The following SUGCT variants were observed in gnomAD, a reference collection of about 807,000 sequenced individuals.
SUGCT encodes the protein succinyl-CoA:glutarate CoA-transferase.
A neutral mutation model predicts 55.0 loss-of-function variants in SUGCT; 41 were observed. That is an observed-to-expected ratio of 0.74 (90% CI 0.58 to 0.97). SUGCT has a LOEUF of 0.97. Ranked by LOEUF, SUGCT falls within the 50% of genes least tolerant of loss-of-function variation. SUGCT has a pLI of 0.00. For missense variants in SUGCT, 568 were observed against 547.8 expected, an observed-to-expected ratio of 1.04 and a Z score of -0.37; for synonymous variants, 187 against 200.4, an observed-to-expected ratio of 0.93 and a Z score of 0.56.
At chr7:40,750,959 G>A (rs1054772386) in intron 13 of SUGCT, among the ~76,000 whole-genome samples, 2 of 152,080 alleles carry the variant, frequency 1.3e-5, no homozygotes, top group African/African-American at 4.8e-5. Flanking sequence ...TTCACCCCTG[G>A]CCACCTGGAA....
At chr7:40,840,473 C>CAA (rs200374763) in intron 13 of SUGCT, among the ~76,000 whole-genome samples, 43,027 of 124,512 alleles carry the variant, frequency 0.35, 7,374 homozygotes, top group East Asian at 0.82. Context: ...GAGGAAGACT[C>CAA]AAAAAAAAAA....
intron 12 of SUGCT, among the ~76,000 whole-genome samples, chr7:40,621,447 G>A (rs1328893258): frequency 6.6e-6 from 1 of 152,156 alleles, no homozygotes; most frequent in Non-Finnish European, 1.5e-5. Context: ...AAAGTCTCCA[G>A]GGAAGAGTGG....
At chr7:40,273,105 AATTTT>A (rs1792207728) in intron 7 of SUGCT, among the ~76,000 whole-genome samples, 2 of 152,178 alleles carry the variant, frequency 1.3e-5, no homozygotes, top group African/African-American at 4.8e-5. Flanking sequence ...TGACAAATTT[AATTTT>A]AAGTGTATTG....
chr7:40,376,942 A>AT lies in SUGCT; in HGVS notation c.816+60093dup, dbSNP rs201329457. Among the ~76,000 whole-genome samples, 531 of 150,916 alleles carry AT rather than the reference A, an allele frequency of 3.5e-3. 2 individuals are homozygous for AT. Among genetic ancestry groups the AT allele is most frequent in the African/African-American group, 0.012 (500 of 41,152 alleles). ...CTGCATGTAGAACTCCAGTTTATAT[A>AT]TTTTTTCCCCCAGCGTGTTAAAAAT... On this transcript the variant is annotated intron_variant, in intron 9 of 13. Coordinates refer to ENST00000335693, the MANE Select transcript of SUGCT (RefSeq NM_001193313.2).
At chr7:40,786,241 A>T (rs1363256623) in intron 13 of SUGCT, among the ~76,000 whole-genome samples, 3 of 152,238 alleles carry the variant, frequency 2.0e-5, no homozygotes, top group Non-Finnish European at 1.5e-5. Context: ...ACAATAATAC[A>T]CTGATACCAC....
intron 9 of SUGCT, among the ~76,000 whole-genome samples, chr7:40,394,327 A>G (rs1229032343): frequency 1.3e-5 from 2 of 152,208 alleles, no homozygotes; most frequent in Non-Finnish European, 2.9e-5. Flanking sequence ...ATAGAAGACC[A>G]GATAGTAAAT....
At chr7:40,375,491 C>T (rs1164493403) in intron 9 of SUGCT, among the ~76,000 whole-genome samples, 1 of 152,054 alleles carries the variant, frequency 6.6e-6, no homozygotes, top group Non-Finnish European at 1.5e-5. Context: ...TCTCCTACTC[C>T]CCATCTCATG....
At chr7:40,504,037 A>G (rs1172361365) in intron 12 of SUGCT, among the ~76,000 whole-genome samples, 1 of 152,226 alleles carries the variant, frequency 6.6e-6, no homozygotes, top group African/African-American at 2.4e-5. Context: ...ATCAATAAAC[A>G]TAAAATGAAG....
chr7:40,794,636 C>T (rs1022026709), intron 13 of SUGCT, among the ~76,000 whole-genome samples: 1 of 152,110 alleles, frequency 6.6e-6, no homozygotes, highest in African/African-American at 2.4e-5. Context: ...CTGCTAGCTT[C>T]GGAACTCATT....
intron 13 of SUGCT, among the ~76,000 whole-genome samples, chr7:40,787,974 G>T (rs1584441692): frequency 6.6e-6 from 1 of 152,120 alleles, no homozygotes; most frequent in Non-Finnish European, 1.5e-5. Flanking sequence ...TGCTGGCGAG[G>T]TGTTAGAGAC....
intron 7 of SUGCT, among the ~76,000 whole-genome samples, chr7:40,238,570 A>C (rs1490764880): frequency 6.6e-6 from 1 of 152,100 alleles, no homozygotes; most frequent in East Asian, 1.9e-4. Flanking sequence ...TCTTCAGGAA[A>C]TATTGCTTGC....
chr7:40,452,066 T>C (rs1349909287), intron 10 of SUGCT, among the ~76,000 whole-genome samples: 1 of 152,218 alleles, frequency 6.6e-6, no homozygotes, highest in Non-Finnish European at 1.5e-5. Flanking sequence ...CTTCCCAAAA[T>C]AGAATTGATA....
intron 13 of SUGCT, among the ~76,000 whole-genome samples, chr7:40,824,300 T>A (rs1022138388): frequency 6.6e-6 from 1 of 152,160 alleles, no homozygotes; most frequent in Non-Finnish European, 1.5e-5. Flanking sequence ...AAAGAATCTT[T>A]CCTGTTAGGC....
rs115805063 is a variant in SUGCT at position 40,240,995 on chromosome 7, G to C, written c.576+3269G>C. Reference sequence around the variant, plus strand: ...GAGCCAAAAGAAGGGCAGTGTCACTGGATTATTGTGAACTAATAAGGAAGT... The same window carrying C: ...GAGCCAAAAGAAGGGCAGTGTCACTCGATTATTGTGAACTAATAAGGAAGT... On this transcript the variant is annotated intron_variant, in intron 7 of 13. Coordinates refer to ENST00000335693, the MANE Select transcript of SUGCT (RefSeq NM_001193313.2). 4.0e-3 allele frequency among the ~76,000 whole-genome samples: 602 copies of C among 152,292 alleles called. 5 individuals are homozygous for C. Among genetic ancestry groups the C allele is most frequent in the African/African-American group, 0.014 (582 of 41,542 alleles).
rs56301316 is a variant in SUGCT, at chr7:40,139,127, AAAATAAATAAATAAATAAAT to A, written c.100+4040_100+4059del. ...GCGACAACAGCAAAACTCTGGCTCAAAAATAAATAAATAAATAAATAAATAAATAAATAAATAAATAAATA... is the reference window on the plus strand; with the variant it reads ...GCGACAACAGCAAAACTCTGGCTCAAAAATAAATAAATAAATAAATAAATA... On this transcript the variant is annotated intron_variant, in intron 1 of 13. Transcript: ENST00000335693. 6.9e-4 allele frequency among the ~76,000 whole-genome samples: 97 copies of A among 140,566 alleles called. 1 individual carries two copies. The highest frequency in any genetic ancestry group is 3.5e-3 in the Middle Eastern group (1 of 286). The allele number at this position is 140,566 out of a possible 152,430, so 92.2% of individuals were successfully genotyped here.
At chr7:40,832,805 G>A (rs1792764571) in intron 13 of SUGCT, among the ~76,000 whole-genome samples, 1 of 151,766 alleles carries the variant, frequency 6.6e-6, no homozygotes, top group African/African-American at 2.4e-5. Context: ...CTCCCAAGTA[G>A]CTGGGACTAC....
chr7:40,223,086 A>G (rs2150832414), intron 6 of SUGCT, among the ~76,000 whole-genome samples: 1 of 142,266 alleles, frequency 7.0e-6, no homozygotes, highest in South Asian at 2.2e-4. Flanking sequence ...TTTTTGAGGT[A>G]GTCTTTCTCC....
intron 7 of SUGCT, among the ~76,000 whole-genome samples, chr7:40,239,234 C>T (rs1157112676): frequency 1.3e-5 from 2 of 152,092 alleles, no homozygotes; most frequent in African/African-American, 2.4e-5. Context: ...GTGTGTGGCA[C>T]CAAACCTGAC....
At chr7:40,315,706 A>G (rs1164115381) in intron 8 of SUGCT, among the ~76,000 whole-genome samples, 3 of 152,176 alleles carry the variant, frequency 2.0e-5, no homozygotes, top group Non-Finnish European at 4.4e-5. Context: ...AGCCAATCTC[A>G]ATTTGGGGTA....
Sources: allele counts gnomAD v4.1 joint callset (sites outside exome capture counted in the v4.1 genomes callset), GRCh38; gene constraint gnomAD v4.1.1; transcripts MANE v1.5; gene names NCBI Gene and HGNC (gene_info 2026-07-23, HGNC 2026-07-21).